COL21A1: variants seen among roughly 807,000 people sequenced by gnomAD.
The protein encoded by COL21A1 is collagen alpha-1(XXI) chain.
In COL21A1, 149 loss-of-function variants were observed where a neutral mutation model predicts 137.9. The ratio of observed to expected loss-of-function variants is 1.08; its 90% CI spans 0.95 to 1.24. The LOEUF is 1.24. Among genes scored for constraint, COL21A1 ranks in the 50% most tolerant of loss-of-function variants. COL21A1 has a pLI of 0.00. For synonymous variants in COL21A1, 456 were observed against 391.5 expected (o/e 1.16, Z -1.95); for missense variants, 1,167 against 1,158.4 (o/e 1.01, Z -0.11).
rs35782466 is a variant in COL21A1 at position 56,176,422 on chromosome 6, C to CAA, written c.640+3154_640+3155dup. Among the ~76,000 whole-genome samples the CAA allele has an allele frequency of 2.7e-3, 392 of 147,736 alleles. 7 individuals are homozygous for CAA. Among genetic ancestry groups the CAA allele is most frequent in the South Asian group, 4.4e-3 (21 of 4,732 alleles). On this transcript the variant is annotated intron_variant, in intron 3 of 29. Coordinates refer to ENST00000244728, the MANE Select transcript of COL21A1 (RefSeq NM_030820.4). ...TAAATAATAAACTCTAACTCAGCAA[C>CAA]AAAAAAAAAACTGATTAAGGAATTT...
At chr6:56,097,940 T>TATGTAA (rs1562188740) in intron 17 of COL21A1, among the ~76,000 whole-genome samples, 7 of 85,998 alleles carry the variant, frequency 8.1e-5, no homozygotes, top group South Asian at 3.3e-4. Context: ...TATATAAAAA[T>TATGTAA]ATATATAAAT....
chr6:56,236,858 G>A (rs1275638380), intron 1 of COL21A1, among the ~76,000 whole-genome samples: 1 of 151,926 alleles, frequency 6.6e-6, no homozygotes, highest in Non-Finnish European at 1.5e-5. Context: ...TGTTTTTACA[G>A]CTGACAATAC....
intron 1 of COL21A1, among the ~76,000 whole-genome samples, chr6:56,200,022 G>A (rs776921659): frequency 6.6e-5 from 10 of 152,108 alleles, no homozygotes; most frequent in Non-Finnish European, 1.3e-4. Context: ...GTCAAAGAAG[G>A]CCTCTCTAAA....
At chr6:56,239,912 C>T (rs1925155) in intron 1 of COL21A1, among the ~76,000 whole-genome samples, 118,361 of 152,084 alleles carry the variant, frequency 0.78, 46,241 homozygotes, top group East Asian at 0.86. Context: ...CATCTTGAAT[C>T]ATAGCTCCCA....
chr6:56,277,362 T>C (rs907617134), intron 1 of COL21A1, among the ~76,000 whole-genome samples: 1 of 152,154 alleles, frequency 6.6e-6, no homozygotes, highest in African/African-American at 2.4e-5. Flanking sequence ...TTCTCATTGC[T>C]CAATTCCCAC....
intron 1 of COL21A1, among the ~76,000 whole-genome samples, chr6:56,293,324 T>C (rs1476288893): frequency 2.0e-5 from 3 of 152,318 alleles, no homozygotes; most frequent in Middle Eastern, 3.4e-3. Context: ...ATTCTTTTTC[T>C]CACATGTTTT....
At chr6:56,247,900 C>G (rs1782737836), upstream of COL21A1, among the ~76,000 whole-genome samples, 1 of 152,218 alleles carries the variant, frequency 6.6e-6, no homozygotes, top group Admixed American at 6.5e-5. Flanking sequence ...CAGAGCATCG[C>G]CTGCACTGAT....
chr6:56,057,740 C>G lies in COL21A1; in HGVS notation c.2791G>C (p.Gly931Arg). The change falls in exon 30 of 30, where the codon GGC becomes CGC. Residue 931 changes from glycine to arginine, a missense_variant. Coordinates refer to ENST00000244728, the MANE Select transcript of COL21A1 (RefSeq NM_030820.4). ...GATGGGTCGCAGATGCCTGGGGGGC[C>G]TGGTTGCCCTTGGATTCCAGGTTTT... ...HGKPGIQGQP[G>R]PPGICDPSLC... The G allele has an allele frequency of 6.2e-7, 1 of 1,612,666 alleles. No individual in the cohort carries two copies. The highest frequency in any genetic ancestry group is 1.1e-5 in the South Asian group (1 of 90,938).
rs1202885887 is a variant in COL21A1, at chr6:56,325,791, A to ATG, written c.-39+68179_-39+68180insCA. Among the ~76,000 whole-genome samples the ATG allele has an allele frequency of 3.0e-4, 2 of 6,778 alleles. 1 individual carries two copies. The highest frequency in any genetic ancestry group is 1.0e-3 in the African/African-American group (2 of 1,932). The allele number at this position is 6,778 out of a possible 152,430, so 4.4% of individuals were successfully genotyped here. A position where few individuals can be genotyped will look rare whatever the true frequency, so the allele number is the denominator to read the frequency against. The stretch of plus-strand genomic sequence containing the variant: ...TATTATATATATTTATATAATATAT[A>ATG]ATATATATTATACATATTATATATT... On this transcript the variant is annotated intron_variant, in intron 1 of 28. Coordinates refer to the COL21A1 transcript ENST00000370819.
intron 1 of COL21A1, among the ~76,000 whole-genome samples, chr6:56,260,977 T>A (rs67454631): frequency 0.25 from 37,956 of 151,778 alleles, 6,101 homozygotes; most frequent in East Asian, 0.67. Context: ...CATATTCAAG[T>A]CTAATAAATA....
intron 1 of COL21A1, among the ~76,000 whole-genome samples, chr6:56,303,839 G>T (rs1211643386): frequency 5.3e-5 from 8 of 152,110 alleles, no homozygotes; most frequent in Non-Finnish European, 1.0e-4. Context: ...CCCAGTTTTT[G>T]CCCATTCAGT....
chr6:56,324,924 C>T (rs193147094), intron 1 of COL21A1, among the ~76,000 whole-genome samples: 3 of 151,776 alleles, frequency 2.0e-5, no homozygotes, highest in Admixed American at 6.6e-5. Context: ...ATGAAAGATG[C>T]CTTCCTATAT....
chr6:56,366,650 A>T (rs1167578168), intron 1 of COL21A1, among the ~76,000 whole-genome samples: 2 of 152,166 alleles, frequency 1.3e-5, no homozygotes, highest in African/African-American at 4.8e-5. Flanking sequence ...TCTACTCTTG[A>T]GGCCCTGTGG....
intron 1 of COL21A1, among the ~76,000 whole-genome samples, chr6:56,191,441 A>T (rs1008140604): frequency 6.6e-6 from 1 of 151,818 alleles, no homozygotes; most frequent in Admixed American, 6.6e-5. Flanking sequence ...AAAAAAAAAA[A>T]AAAAGTCGGG....
chr6:56,163,404 C>G (rs554473123), intron 9 of COL21A1, among the ~76,000 whole-genome samples: 1 of 152,156 alleles, frequency 6.6e-6, no homozygotes, highest in Non-Finnish European at 1.5e-5. Flanking sequence ...ACAAGAAGCA[C>G]AACTTACTTA....
At chr6:56,326,556 C>G (rs1298559129) in intron 1 of COL21A1, among the ~76,000 whole-genome samples, 1 of 151,870 alleles carries the variant, frequency 6.6e-6, no homozygotes, top group Non-Finnish European at 1.5e-5. Context: ...ACTTGTAATT[C>G]AGTGATAGTG....
At chr6:56,063,792 G>T (rs1766011644) in intron 24 of COL21A1, among the ~76,000 whole-genome samples, 1 of 152,122 alleles carries the variant, frequency 6.6e-6, no homozygotes, top group East Asian at 1.9e-4. Flanking sequence ...TCCAGAGTTG[G>T]TGTAATTGCA....
At chr6:56,222,600 C>A (rs547006794) in intron 1 of COL21A1, among the ~76,000 whole-genome samples, 138 of 152,114 alleles carry the variant, frequency 9.1e-4, no homozygotes, top group African/African-American at 3.2e-3. Flanking sequence ...CATTAGAAGA[C>A]AAATCATTCA....
intron 1 of COL21A1, among the ~76,000 whole-genome samples, chr6:56,304,446 G>A (rs570048227): frequency 5.9e-5 from 9 of 151,358 alleles, no homozygotes; most frequent in Non-Finnish European, 1.3e-4. Context: ...CAACTTCTTC[G>A]TGGTTTAGTC....
Sources: allele counts gnomAD v4.1 joint callset (sites outside exome capture counted in the v4.1 genomes callset), GRCh38; gene constraint gnomAD v4.1.1; transcripts MANE v1.5; gene names NCBI Gene and HGNC (gene_info 2026-07-23, HGNC 2026-07-21).